Variants in VPS36 observed in about 807,000 individuals in gnomAD.
The protein encoded by VPS36 is vacuolar protein sorting 36 homolog, also known as vacuolar protein-sorting-associated protein 36.
Under a neutral mutation model 63.5 loss-of-function variants are expected in VPS36, and 31 were observed. The ratio of observed to expected loss-of-function variants is 0.49; its 90% CI spans 0.37 to 0.66. The LOEUF is 0.66. VPS36 is among the 30% of genes least tolerant of loss of function. The probability of loss-of-function intolerance (pLI) is 0.00; values close to 1 mark genes in which losing one functional copy is unlikely to be tolerated. For missense variants in VPS36, 338 were observed against 463.7 expected (o/e 0.73, Z 2.49); for synonymous variants, 138 against 157.2 (o/e 0.88, Z 0.91).
At chr13:52,427,154 G>T (rs1370184804) in intron 7 of VPS36, 33 bp downstream of exon 7, 1 of 1,608,168 alleles carries the variant, frequency 6.2e-7, no homozygotes, top group Non-Finnish European at 8.5e-7. Context: ...TATCATAATT[G>T]GTATGAATTT....
At chr13:52,439,267 AAT>A in intron 2 of VPS36, 99 bp from the exon 3 acceptor site, 1 of 825,156 alleles carries the variant, frequency 1.2e-6, no homozygotes, top group Non-Finnish European at 1.8e-6. Context: ...CATATGCCTT[AAT>A]AATAAAAATA....
intron 3 of VPS36, among the ~76,000 whole-genome samples, chr13:52,438,142 AT>A (rs1377968943): frequency 4.7e-5 from 7 of 150,476 alleles, no homozygotes; most frequent in Admixed American, 1.3e-4. Context: ...AATATTTTAA[AT>A]TTTTTTTTTA....
intron 10 of VPS36, among the ~76,000 whole-genome samples, chr13:52,419,851 G>A (rs1857464855): frequency 6.6e-6 from 1 of 152,202 alleles, no homozygotes; most frequent in South Asian, 2.1e-4. Context: ...ATTTCATGCA[G>A]ATAGAGAGTA....
At chr13:52,447,443 A>T (rs1958355851) in intron 1 of VPS36, among the ~76,000 whole-genome samples, 1 of 152,202 alleles carries the variant, frequency 6.6e-6, no homozygotes, top group Non-Finnish European at 1.5e-5. Context: ...TATTTTTTAA[A>T]TTGGCTGAGG....
In VPS36 at chr13:52,415,973, A is replaced by G. The variant is rs761764673; in HGVS notation, c.1067+44T>C. ...CCCACACAATTATCTGTTCATGCAGACACACAAACATACATTGTAATGAAA... is the reference window on the plus strand; with the variant it reads ...CCCACACAATTATCTGTTCATGCAGGCACACAAACATACATTGTAATGAAA... On this transcript the variant is annotated intron_variant, in intron 13 of 13. Coordinates refer to ENST00000378060, the MANE Select transcript of VPS36 (RefSeq NM_016075.4). 3 of 1,612,298 alleles carry G rather than the reference A, an allele frequency of 1.9e-6. No homozygotes were observed. The African/African-American group carries it at 4.0e-5, about 22-fold the overall frequency.
At chr13:52,428,701 C>T (rs1329304279) in intron 6 of VPS36, among the ~76,000 whole-genome samples, 2 of 152,076 alleles carry the variant, frequency 1.3e-5, no homozygotes, top group Non-Finnish European at 2.9e-5. Context: ...ATTTTGCACA[C>T]TTAGGTTTTT....
At chr13:52,450,237 G>A (rs1344211897) in intron 1 of VPS36, 2 of 1,095,724 alleles carry the variant, frequency 1.8e-6, no homozygotes, top group Non-Finnish European at 2.2e-6. Flanking sequence ...GCGGAGGGAA[G>A]CGGCCGCGAT....
chr13:52,449,802 T>C (rs1456831018), intron 1 of VPS36: 2 of 483,622 alleles, frequency 4.1e-6, no homozygotes, highest in East Asian at 3.1e-4. Context: ...ATGCTTGCAC[T>C]ACAAGGCACG....
At chr13:52,441,377 A>G (rs928769448) in intron 2 of VPS36, among the ~76,000 whole-genome samples, 1 of 152,180 alleles carries the variant, frequency 6.6e-6, no homozygotes, top group Non-Finnish European at 1.5e-5. Flanking sequence ...AGATTAATGT[A>G]TATACACTTT....
At position 52,446,232 on chromosome 13, in the gene VPS36, C is replaced by G. The variant is rs574940272; in HGVS notation, c.97-3787G>C. The stretch of plus-strand genomic sequence containing the variant: ...GGTGAGCCAAGATCGCACCACCGCA[C>G]TCCAGACTGAGCAACAGAGCGAGAT... On this transcript the variant is annotated intron_variant, in intron 1 of 13. Coordinates refer to ENST00000378060, the MANE Select transcript of VPS36 (RefSeq NM_016075.4). Among the ~76,000 whole-genome samples the G allele has an allele frequency of 2.2e-4, 33 of 150,460 alleles. No individual in the cohort carries two copies. In the East Asian group the frequency reaches 5.8e-3, roughly 27 times the overall value.
rs543420406 is a variant in VPS36 at position 52,415,205 on chromosome 13, C to G, written c.*625G>C. On this transcript the variant is annotated 3_prime_UTR_variant, in exon 14 of 14. Transcript: ENST00000378060. ...TTTCAAAATCCACAGCATTTGGAAA[C>G]AAAATGACACAGTTGCATTCTTTAA... 1.3e-5 allele frequency: 2 copies of G among 152,126 alleles called. No individual in the cohort carries two copies. The highest frequency in any genetic ancestry group is 4.1e-4 in the South Asian group (2 of 4,822). 9.4% of individuals were successfully genotyped at this position (152,126 alleles called of 1,614,324 possible).
intron 9 of VPS36, chr13:52,425,718 G>T: frequency 2.3e-6 from 1 of 433,992 alleles, no homozygotes; most frequent in Admixed American, 4.1e-5. Context: ...GATTTAGAAA[G>T]TTATAGATGT....
intron 10 of VPS36, among the ~76,000 whole-genome samples, chr13:52,420,622 C>T (rs141666828): frequency 1.3e-5 from 2 of 151,934 alleles, no homozygotes; most frequent in African/African-American, 2.4e-5. Context: ...CATGAGCCAG[C>T]GCACCCGGCC....
At chr13:52,442,690 G>A (rs1426460553) in intron 1 of VPS36, among the ~76,000 whole-genome samples, 1 of 152,148 alleles carries the variant, frequency 6.6e-6, no homozygotes, top group Non-Finnish European at 1.5e-5. Context: ...ACTCTGCAAT[G>A]CATGCAAAGG....
At chr13:52,440,190 G>A (rs970673498) in intron 2 of VPS36, among the ~76,000 whole-genome samples, 2 of 151,810 alleles carry the variant, frequency 1.3e-5, no homozygotes, top group Non-Finnish European at 2.9e-5. Flanking sequence ...TGTTGGCGAG[G>A]CTAGTCTCGA....
Position 52,415,814 on chromosome 13 carries a change from T to A in VPS36, c.*16A>T, listed in dbSNP as rs369935549. On this transcript the variant is annotated 3_prime_UTR_variant, in exon 14 of 14. Coordinates refer to ENST00000378060, the MANE Select transcript of VPS36 (RefSeq NM_016075.4). Reference sequence around the variant, plus strand: ...ACGCAAGCATATGGACAAAAAGGATTTTAAATACAAAACCCTTAGCTCTGT... The same window carrying A: ...ACGCAAGCATATGGACAAAAAGGATATTAAATACAAAACCCTTAGCTCTGT... The A allele has an allele frequency of 6.8e-6, 11 of 1,612,046 alleles. No homozygotes were observed. The highest frequency in any genetic ancestry group is 5.3e-5 in the African/African-American group (4 of 74,788).
chr13:52,441,448 C>A (rs1958275618), intron 2 of VPS36, among the ~76,000 whole-genome samples: 1 of 151,956 alleles, frequency 6.6e-6, no homozygotes, highest in Non-Finnish European at 1.5e-5. Context: ...CTCCTCCTTC[C>A]CAAAAACAAA....
In VPS36 at chr13:52,436,332, G is replaced by A; in HGVS notation, c.309C>T (p.Asn103=). The change falls in exon 4 of 14, where the codon AAC becomes AAT. Residue 103 remains asparagine (N), a synonymous_variant. Coordinates refer to ENST00000378060, the MANE Select transcript of VPS36 (RefSeq NM_016075.4). ...KEPGPFQSSK[N]SYIKLSFKEH... ...CTTTGAAGGAGAGTTTGATGTAGGA[G>A]TTCTTACTACTCTGGAATGGGCCAG... 3 of 1,613,144 alleles carry A rather than the reference G, an allele frequency of 1.9e-6. No homozygotes were observed. The highest frequency in any genetic ancestry group is 2.5e-6 in the Non-Finnish European group (3 of 1,179,758).
intron 6 of VPS36, chr13:52,429,404 A>G (rs1958133973): frequency 1.6e-6 from 1 of 620,080 alleles, no homozygotes; most frequent in African/African-American, 2.0e-5. Context: ...TGACTTCCAT[A>G]TTCCTGCTGC....
Sources: allele counts gnomAD v4.1 joint callset (sites outside exome capture counted in the v4.1 genomes callset), GRCh38; gene constraint gnomAD v4.1.1; transcripts MANE v1.5; gene names NCBI Gene and HGNC (gene_info 2026-07-23, HGNC 2026-07-21).